Variants in EGFLAM observed in about 807,000 individuals in gnomAD.
EGFLAM encodes pikachurin.
Under a neutral mutation model 113.1 loss-of-function variants are expected in EGFLAM, and 79 were observed. The ratio of observed to expected loss-of-function variants is 0.70; its 90% CI spans 0.58 to 0.84. The LOEUF (loss-of-function observed/expected upper bound fraction) is 0.84. EGFLAM is among the 40% of genes least tolerant of loss of function. The probability of loss-of-function intolerance (pLI) is 0.00; values close to 1 mark genes in which losing one functional copy is unlikely to be tolerated. For synonymous variants in EGFLAM, 504 were observed against 487.6 expected (o/e 1.03, Z -0.44); for missense variants, 1,265 against 1,291.6 (o/e 0.98, Z 0.32).
intron 6 of EGFLAM, among the ~76,000 whole-genome samples, chr5:38,375,728 C>T (rs1009018577): frequency 2.3e-4 from 35 of 151,978 alleles, no homozygotes; most frequent in African/African-American, 8.5e-4. Context: ...CCAGTGTTTT[C>T]ATTAACTGGC....
At chr5:38,371,471 G>T (rs1275237906) in intron 6 of EGFLAM, among the ~76,000 whole-genome samples, 1 of 152,174 alleles carries the variant, frequency 6.6e-6, no homozygotes, top group Non-Finnish European at 1.5e-5. Flanking sequence ...CAGGGGTAGA[G>T]ATTCAGGAGG....
chr5:38,329,878 G>C (rs534253612), intron 1 of EGFLAM, among the ~76,000 whole-genome samples: 1 of 152,218 alleles, frequency 6.6e-6, no homozygotes, highest in South Asian at 2.1e-4. Flanking sequence ...CATTAACGTA[G>C]AGACTGACAG....
intron 6 of EGFLAM, among the ~76,000 whole-genome samples, chr5:38,382,795 C>A (rs1740544664): frequency 1.3e-5 from 2 of 152,222 alleles, no homozygotes; most frequent in Non-Finnish European, 2.9e-5. Flanking sequence ...CTTATTCCCA[C>A]TGATATGAGG....
intron 1 of EGFLAM, among the ~76,000 whole-genome samples, chr5:38,284,318 C>G (rs531485504): frequency 6.6e-6 from 1 of 152,150 alleles, no homozygotes; most frequent in South Asian, 2.1e-4. Context: ...GGTTAACAAA[C>G]TTTTTTTTGT....
At chr5:38,438,162 A>C (rs2561828) in intron 16 of EGFLAM, 113 bp from the exon 17 acceptor site, 11 of 1,130,214 alleles carry the variant, frequency 9.7e-6, no homozygotes, top group Non-Finnish European at 1.2e-5. Flanking sequence ...ACTTAAAAAA[A>C]TTTTTTTTCA....
rs557584078 is a variant in EGFLAM, at chr5:38,425,271, G to A, written c.1810+179G>A. Among the ~76,000 whole-genome samples, 51 of 152,222 alleles carry A rather than the reference G, an allele frequency of 3.4e-4. 1 individual carries two copies. In the East Asian group the frequency reaches 6.0e-3, roughly 18 times the overall value. ...CGGCTCACTGCAACCTCTGCCTCCC[G>A]GGTTCAAGTGATTCTCTTCTGCCTC... On this transcript the variant is annotated intron_variant, in intron 13 of 21. Transcript: ENST00000322350.
Position 38,265,709 on chromosome 5 carries a change from C to T in EGFLAM, c.97+6858C>T, listed in dbSNP as rs535839695. Among the ~76,000 whole-genome samples, 32 of 152,300 alleles carry T rather than the reference C, an allele frequency of 2.1e-4. No homozygotes were observed. In the South Asian group the frequency reaches 6.4e-3, roughly 31 times the overall value. ...CCCCTCATGGGTTCTCATGCAGTGG[C>T]TTAGATGAGTCAAATAAAATTTCTG... is the stretch of plus-strand genomic sequence containing the variant. On this transcript the variant is annotated intron_variant, in intron 1 of 21. Transcript: ENST00000322350.
chr5:38,298,543 A>G (rs1016263059), intron 1 of EGFLAM, among the ~76,000 whole-genome samples: 3 of 152,194 alleles, frequency 2.0e-5, no homozygotes, highest in African/African-American at 4.8e-5. Flanking sequence ...TTAATACTCT[A>G]TTATACAGCC....
intron 5 of EGFLAM, among the ~76,000 whole-genome samples, chr5:38,362,212 G>A (rs1238983647): frequency 6.6e-6 from 1 of 152,102 alleles, no homozygotes; most frequent in African/African-American, 2.4e-5. Context: ...CTCAAGATGT[G>A]GTAAAGCTTC....
intron 1 of EGFLAM, among the ~76,000 whole-genome samples, chr5:38,321,438 C>T (rs2111894234): frequency 6.6e-6 from 1 of 152,306 alleles, no homozygotes; most frequent in East Asian, 1.9e-4. Context: ...CAGTACTGAT[C>T]CATGGCCCCT....
intron 3 of EGFLAM, among the ~76,000 whole-genome samples, chr5:38,342,588 T>C (rs548933399): frequency 1.3e-5 from 2 of 152,292 alleles, no homozygotes; most frequent in African/African-American, 2.4e-5. Context: ...AGCTTTCAAT[T>C]TGGCAGCATT....
chr5:38,338,596 C>A, intron 2 of EGFLAM, 102 bp from the exon 3 acceptor site: 1 of 1,081,262 alleles, frequency 9.2e-7, no homozygotes, highest in Non-Finnish European at 1.4e-6. Flanking sequence ...TGATGTTAGG[C>A]AACGCACCTC....
intron 5 of EGFLAM, among the ~76,000 whole-genome samples, chr5:38,366,031 G>A (rs1834967): frequency 0.13 from 19,070 of 151,996 alleles, 1,250 homozygotes; most frequent in Middle Eastern, 0.16. Flanking sequence ...GAAACCACTG[G>A]GCCTCTTAGT....
rs370229170 is a variant in EGFLAM at position 38,390,341 on chromosome 5, T to A, written c.713-15785T>A. 1.1e-3 allele frequency among the ~76,000 whole-genome samples: 167 copies of A among 152,354 alleles called. 2 individuals carry two copies. The South Asian group carries it at 0.032, about 30-fold the overall frequency. On this transcript the variant is annotated intron_variant, in intron 6 of 21. Transcript: ENST00000322350. ...TTTGACTTTTATGCACGTTGAATTA[T>A]AACATTCTAGTGGATTCAGTGTTAG...
chr5:38,380,277 G>C (rs1363529045), intron 6 of EGFLAM, among the ~76,000 whole-genome samples: 1 of 152,170 alleles, frequency 6.6e-6, no homozygotes, highest in Non-Finnish European at 1.5e-5. Flanking sequence ...CTTTTAGATA[G>C]CAATTTTGTC....
chr5:38,367,305 T>A (rs368273093), intron 5 of EGFLAM, among the ~76,000 whole-genome samples: 2 of 150,748 alleles, frequency 1.3e-5, no homozygotes. Flanking sequence ...AGAGACAAGG[T>A]CTTACTATGT....
intron 11 of EGFLAM, among the ~76,000 whole-genome samples, chr5:38,416,166 G>T (rs56002923): frequency 0.15 from 23,176 of 152,146 alleles, 1,856 homozygotes; most frequent in East Asian, 0.24. Flanking sequence ...TGTAAAGCAG[G>T]ACCACAGATG....
chr5:38,323,506 C>T (rs1333027898), intron 1 of EGFLAM, among the ~76,000 whole-genome samples: 2 of 152,166 alleles, frequency 1.3e-5, no homozygotes, highest in Admixed American at 6.5e-5. Flanking sequence ...ATTTTAGTTT[C>T]AAATGCTATG....
intron 10 of EGFLAM, among the ~76,000 whole-genome samples, chr5:38,409,825 A>C (rs911685188): frequency 1.3e-5 from 2 of 152,074 alleles, no homozygotes; most frequent in East Asian, 3.9e-4. Flanking sequence ...CTCCCCCAAC[A>C]CACTTTGGAA....
Sources: allele counts gnomAD v4.1 joint callset (sites outside exome capture counted in the v4.1 genomes callset), GRCh38; gene constraint gnomAD v4.1.1; transcripts MANE v1.5; gene names NCBI Gene and HGNC (gene_info 2026-07-23, HGNC 2026-07-21).